TMTC1: variants seen among roughly 807,000 people sequenced by gnomAD.
The protein encoded by TMTC1 is transmembrane O-mannosyltransferase targeting cadherins 1, also known as protein O-mannosyl-transferase TMTC1.
A neutral mutation model predicts 104.8 loss-of-function variants in TMTC1; 73 were observed. That is an observed-to-expected ratio of 0.70 (90% CI 0.58 to 0.85). The LOEUF is 0.85. Among genes scored for constraint, TMTC1 ranks in the 40% least tolerant of loss-of-function variants. The probability of loss-of-function intolerance (pLI) is 0.00; values close to 1 mark genes in which losing one functional copy is unlikely to be tolerated. For missense variants in TMTC1, 1,035 were observed against 1,096.1 expected, an observed-to-expected ratio of 0.94 and a Z score of 0.79; for synonymous variants, 434 against 428.7, an observed-to-expected ratio of 1.01 and a Z score of -0.15.
intron 10 of TMTC1, among the ~76,000 whole-genome samples, chr12:29,553,832 A>G (rs1290369564): frequency 1.3e-5 from 2 of 152,204 alleles, no homozygotes; most frequent in African/African-American, 4.8e-5. Context: ...TAGAGCATCC[A>G]TCTTTTGCTC....
At chr12:29,568,889 G>C (rs1406527673) in intron 9 of TMTC1, 2 of 455,784 alleles carry the variant, frequency 4.4e-6, no homozygotes, top group Non-Finnish European at 8.8e-6. Context: ...ACCTTCTCCA[G>C]GGTAACCGAA....
intron 5 of TMTC1, among the ~76,000 whole-genome samples, chr12:29,749,834 A>C (rs143446349): frequency 2.4e-4 from 36 of 152,106 alleles, no homozygotes; most frequent in Admixed American, 7.2e-4. Flanking sequence ...CCATCATCAC[A>C]AACATTAATT....
rs530379547 is a variant in TMTC1, at chr12:29,517,790, A to T, written c.2025-219T>A. On this transcript the variant is annotated intron_variant, in intron 13 of 17. Transcript: ENST00000539277. ...GAGTGCAGTGGCACAATCTTGGCTC[A>T]TGCAACCTCCACCTCCCAGGTTCAA... 1.4e-4 allele frequency among the ~76,000 whole-genome samples: 22 copies of T among 152,058 alleles called. No homozygotes were observed. In the East Asian group the frequency reaches 3.9e-3, roughly 27 times the overall value.
intron 5 of TMTC1, among the ~76,000 whole-genome samples, chr12:29,748,376 T>A (rs1366112969): frequency 2.6e-5 from 4 of 152,234 alleles, no homozygotes; most frequent in African/African-American, 7.2e-5. Flanking sequence ...TCTTTGTACC[T>A]GCTGAGAGTT....
At chr12:29,565,818 G>C (rs1945496316) in intron 9 of TMTC1, among the ~76,000 whole-genome samples, 1 of 152,186 alleles carries the variant, frequency 6.6e-6, no homozygotes, top group African/African-American at 2.4e-5. Flanking sequence ...CCGCACTCCA[G>C]CTTGGGCAAC....
chr12:29,554,633 C>T (rs1047067917), intron 10 of TMTC1, among the ~76,000 whole-genome samples: 2 of 152,120 alleles, frequency 1.3e-5, no homozygotes, highest in African/African-American at 4.8e-5. Flanking sequence ...CTTTGGGAGG[C>T]TGAGGCAGAT....
intron 6 of TMTC1, among the ~76,000 whole-genome samples, chr12:29,607,100 A>G (rs1270932239): frequency 1.3e-5 from 2 of 152,176 alleles, no homozygotes; most frequent in East Asian, 1.9e-4. Context: ...TGATGTGCAC[A>G]TGGAAAAGCC....
chr12:29,548,095 C>A (rs562483726), intron 10 of TMTC1, among the ~76,000 whole-genome samples: 1 of 152,098 alleles, frequency 6.6e-6, no homozygotes, highest in Non-Finnish European at 1.5e-5. Context: ...CTGGAGGGAG[C>A]GCCTCAACTG....
intron 5 of TMTC1, among the ~76,000 whole-genome samples, chr12:29,661,803 C>T (rs768437128): frequency 6.6e-6 from 1 of 151,956 alleles, no homozygotes; most frequent in African/African-American, 2.4e-5. Context: ...TCACTGGTAT[C>T]CAGTGAATAA....
intron 5 of TMTC1, among the ~76,000 whole-genome samples, chr12:29,741,819 G>A (rs1160008848): frequency 1.3e-5 from 2 of 152,176 alleles, no homozygotes; most frequent in African/African-American, 2.4e-5. Flanking sequence ...AAAGTCTGGA[G>A]ATCGGCACCC....
intron 13 of TMTC1, among the ~76,000 whole-genome samples, chr12:29,517,772 G>A (rs925908584): frequency 2.0e-5 from 3 of 152,056 alleles, no homozygotes; most frequent in African/African-American, 7.2e-5. Flanking sequence ...CTGGAGTGCA[G>A]TGGCACAATC....
chr12:29,737,304 A>C (rs952088083), intron 5 of TMTC1, among the ~76,000 whole-genome samples: 19 of 152,134 alleles, frequency 1.2e-4, no homozygotes, highest in African/African-American at 4.6e-4. Context: ...GGATCACTTG[A>C]GGTCCGGAAT....
rs762454307 is a variant in TMTC1 at position 29,664,730 on chromosome 12, A to G, written c.939-31394T>C. On this transcript the variant is annotated intron_variant, in intron 5 of 17. Coordinates refer to ENST00000539277, the MANE Select transcript of TMTC1 (RefSeq NM_001193451.2). ...AGGAGAACATAAAACTGGAAATAAT[A>G]CTTAACTATGACATCAGATTCTCTC... is the stretch of plus-strand genomic sequence containing the variant. 9.9e-5 allele frequency among the ~76,000 whole-genome samples: 15 copies of G among 152,250 alleles called. No homozygotes were observed. In the East Asian group the frequency reaches 2.1e-3, roughly 21 times the overall value.
At chr12:29,525,774 T>C (rs910265988) in intron 11 of TMTC1, among the ~76,000 whole-genome samples, 1 of 152,210 alleles carries the variant, frequency 6.6e-6, no homozygotes, top group African/African-American at 2.4e-5. Flanking sequence ...GATTATCCAC[T>C]GTATCCACTG....
chr12:29,777,900 T>C (rs1053576554), intron 1 of TMTC1, among the ~76,000 whole-genome samples: 1 of 152,120 alleles, frequency 6.6e-6, no homozygotes, highest in African/African-American at 2.4e-5. Flanking sequence ...CCCACAGAAG[T>C]TGAATGAAAA....
intron 5 of TMTC1, among the ~76,000 whole-genome samples, chr12:29,660,588 A>C (rs1468947351): frequency 1.3e-5 from 2 of 152,152 alleles, no homozygotes; most frequent in Admixed American, 1.3e-4. Context: ...CATTGTCCAC[A>C]TCATTAAATC....
chr12:29,776,498 C>T (rs1047922685), intron 1 of TMTC1, among the ~76,000 whole-genome samples: 6 of 152,240 alleles, frequency 3.9e-5, no homozygotes, highest in African/African-American at 1.4e-4. Context: ...GTAGCCTTAC[C>T]TTAGTATTTA....
intron 5 of TMTC1, among the ~76,000 whole-genome samples, chr12:29,688,002 G>T (rs778708455): frequency 1.3e-5 from 2 of 152,172 alleles, no homozygotes; most frequent in South Asian, 2.1e-4. Flanking sequence ...TTGGGGGAAC[G>T]TAATTCAGTC....
At chr12:29,577,019 T>C (rs1000817621) in intron 8 of TMTC1, among the ~76,000 whole-genome samples, 1 of 152,150 alleles carries the variant, frequency 6.6e-6, no homozygotes, top group African/African-American at 2.4e-5. Flanking sequence ...ATATCATAAA[T>C]GGTGTTGATG....
Sources: gnomAD v4.1 joint callset for allele counts (sites outside exome capture counted in the v4.1 genomes callset) on GRCh38, gnomAD v4.1.1 for gene constraint, MANE v1.5 for transcripts, NCBI Gene and HGNC (gene_info 2026-07-23, HGNC 2026-07-21) for gene names.